The following UGT3A1 variants were observed in gnomAD, a reference collection of about 807,000 sequenced individuals.
UGT3A1 encodes UDP-glycosyltransferase 3A1.
UGT3A1 carries 40 observed loss-of-function variants against 37.6 expected under a neutral mutation model. The ratio of observed to expected loss-of-function variants is 1.06; its 90% confidence interval spans 0.83 to 1.38. The LOEUF (loss-of-function observed/expected upper bound fraction) is 1.38, where lower values mean the gene tolerates loss of function less well. Among genes scored for constraint, UGT3A1 ranks in the 40% most tolerant of loss-of-function variants. The probability of loss-of-function intolerance (pLI) is 0.00; values close to 1 mark genes in which losing one functional copy is unlikely to be tolerated. For synonymous variants in UGT3A1, 256 were observed against 232.3 expected (o/e 1.10, Z -0.93); for missense variants, 642 against 634.2 (o/e 1.01, Z -0.13).
rs1343343291 is a variant in UGT3A1 at position 35,955,755 on chromosome 5, A to C, written c.1185T>G (p.His395Gln). 2 of 1,614,188 alleles carry C rather than the reference A, an allele frequency of 1.2e-6. No individual in the cohort carries two copies. The highest frequency in any genetic ancestry group is 2.2e-5 in the East Asian group (1 of 44,874). Residue 395 changes from histidine (H) to glutamine (Q), a missense_variant, in exon 6 of 7, where the codon CAT becomes CAG. Coordinates refer to ENST00000274278, the MANE Select transcript of UGT3A1 (RefSeq NM_152404.4). ...TGGCTACTACTCGGACCATGTTTCCATGCTGGTCTCCATTGACTGGTAATC... is the reference window on the plus strand; with the variant it reads ...TGGCTACTACTCGGACCATGTTTCCCTGCTGGTCTCCATTGACTGGTAATC... ...MVGLPVNGDQ[H>Q]GNMVRVVAKN...
At chr5:35,989,281 C>G (rs764487862) in intron 1 of UGT3A1, among the ~76,000 whole-genome samples, 2 of 152,184 alleles carry the variant, frequency 1.3e-5, no homozygotes, top group East Asian at 3.9e-4. Flanking sequence ...TCCTACCATG[C>G]TAAGGAAAGA....
At chr5:35,966,042 T>A (rs1296259639) in intron 3 of UGT3A1, 125 bp from the exon 4 acceptor site, 1 of 733,770 alleles carries the variant, frequency 1.4e-6, no homozygotes, top group African/African-American at 1.8e-5. Context: ...ATCAACCCAT[T>A]CTACAATGTT....
rs753211477 is a variant in UGT3A1 at position 35,991,205 on chromosome 5, G to A, written c.36C>T (p.Phe12=). 1 of 1,614,234 alleles carries A rather than the reference G, an allele frequency of 6.2e-7. No individual in the cohort carries two copies. Among genetic ancestry groups the A allele is most frequent in the Non-Finnish European group, 8.5e-7 (1 of 1,180,020 alleles). ...VGQRVLLLVA[F]LLSGVLLSEA... ...CTGAGAGCAGGACCCCAGAAAGAAGGAAGGCCACTAGAAGCAGCACCCGCT... is the reference window on the plus strand; with the variant it reads ...CTGAGAGCAGGACCCCAGAAAGAAGAAAGGCCACTAGAAGCAGCACCCGCT... The change falls in exon 1 of 7, where the codon TTC becomes TTT. Residue 12 remains phenylalanine, a synonymous_variant. Transcript: ENST00000274278.
At chr5:35,958,797 CAGA>C (rs1304026082) in intron 4 of UGT3A1, among the ~76,000 whole-genome samples, 1 of 152,180 alleles carries the variant, frequency 6.6e-6, no homozygotes, top group East Asian at 1.9e-4. Context: ...TTCCCTCAGC[CAGA>C]AGGAGCAGAA....
chr5:35,971,962 CG>C (rs1561463635), intron 2 of UGT3A1, among the ~76,000 whole-genome samples: 1 of 152,036 alleles, frequency 6.6e-6, no homozygotes. Context: ...TTTCCTGCTG[CG>C]GGAGGAAAGC....
In UGT3A1 at chr5:35,967,209, A is replaced by G. The variant is rs139675868; in HGVS notation, c.311+810T>C. 1.9e-3 allele frequency among the ~76,000 whole-genome samples: 289 copies of G among 152,354 alleles called. 6 individuals are homozygous for G. Among genetic ancestry groups the G allele is most frequent in the Admixed American group, 0.017 (254 of 15,310 alleles). Reference sequence around the variant, plus strand: ...ACAAGATGCCATAGACTAAGTATCAAATGAGTGCTATATGCCAGACCTATG... The same window carrying G: ...ACAAGATGCCATAGACTAAGTATCAGATGAGTGCTATATGCCAGACCTATG... On this transcript the variant is annotated intron_variant, in intron 3 of 6. Transcript: ENST00000274278.
At position 35,988,444 on chromosome 5, in the gene UGT3A1, AGATAC is replaced by A; in HGVS notation, c.196+1_196+5del. 4 of 1,589,048 alleles carry A rather than the reference AGATAC, an allele frequency of 2.5e-6. No homozygotes were observed. Among genetic ancestry groups the A allele is most frequent in the Non-Finnish European group, 3.4e-6 (4 of 1,170,742 alleles). On this transcript the variant is annotated splice_donor_variant and splice_donor_5th_base_variant and intron_variant, in intron 2 of 6. Coordinates refer to ENST00000274278, the MANE Select transcript of UGT3A1 (RefSeq NM_152404.4). LOFTEE classifies it high-confidence loss of function. ...GAATATAAAAATTAGTTTTTAAAAA[AGATAC>A]CTGGGATCAAAAACTTTCCACTCTG...
At chr5:35,989,382 A>C (rs1468192298) in intron 1 of UGT3A1, among the ~76,000 whole-genome samples, 1 of 152,222 alleles carries the variant, frequency 6.6e-6, no homozygotes, top group Non-Finnish European at 1.5e-5. Flanking sequence ...CTGGAAGCTA[A>C]GGTTCTCAGC....
intron 5 of UGT3A1, 140 bp from the exon 6 acceptor site, chr5:35,956,004 A>G: frequency 2.5e-6 from 2 of 816,268 alleles, no homozygotes; most frequent in Non-Finnish European, 3.8e-6. Context: ...CTTGGGACAC[A>G]CAAGTGTGAA....
chr5:35,972,755 A>T (rs1349020599), intron 2 of UGT3A1, among the ~76,000 whole-genome samples: 2 of 152,146 alleles, frequency 1.3e-5, no homozygotes, highest in Non-Finnish European at 2.9e-5. Flanking sequence ...TATCAAACTA[A>T]TGAGTATAAT....
intron 2 of UGT3A1, among the ~76,000 whole-genome samples, chr5:35,971,000 TATGTTCC>T (rs1740012518): frequency 2.0e-5 from 3 of 151,014 alleles, no homozygotes; most frequent in Admixed American, 2.0e-4. Flanking sequence ...ATTTGACAAA[TATGTTCC>T]ATTCAAGGCC....
chr5:35,968,986 G>A (rs920550338), intron 2 of UGT3A1, among the ~76,000 whole-genome samples: 1 of 152,142 alleles, frequency 6.6e-6, no homozygotes, highest in Non-Finnish European at 1.5e-5. Context: ...TGTCTCAGAT[G>A]GAATTGTGTT....
intron 6 of UGT3A1, 33 bp from the exon 7 acceptor site, chr5:35,954,511 A>G (rs757636198): frequency 1.2e-6 from 2 of 1,605,316 alleles, no homozygotes; most frequent in South Asian, 2.2e-5. Context: ...TGTGTTACTG[A>G]CGTAGCCTCA....
chr5:35,996,316 G>A (rs1349565109), upstream of UGT3A1, among the ~76,000 whole-genome samples: 1 of 152,146 alleles, frequency 6.6e-6, no homozygotes, highest in Non-Finnish European at 1.5e-5. Context: ...CAAATTGGGA[G>A]AGATTCATAT....
upstream of UGT3A1, among the ~76,000 whole-genome samples, chr5:35,993,449 C>T (rs377525914): frequency 1.4e-5 from 2 of 147,502 alleles, no homozygotes; most frequent in African/African-American, 2.5e-5. Context: ...GGTGACAGAG[C>T]GAGACTCCGT....
Position 35,983,743 on chromosome 5 carries a change from C to T in UGT3A1, c.196+4707G>A, listed in dbSNP as rs553981951. Among the ~76,000 whole-genome samples, 10 of 152,288 alleles carry T rather than the reference C, an allele frequency of 6.6e-5. 1 individual carries two copies. The highest frequency in any genetic ancestry group is 1.5e-4 in the Non-Finnish European group (10 of 68,014). On this transcript the variant is annotated intron_variant, in intron 2 of 6. Transcript: ENST00000274278. ...TCCCAGGGATGCAAGAGTAGTTCAA[C>T]ATATGCAAATCAACAAACATGATAC...
intron 1 of UGT3A1, among the ~76,000 whole-genome samples, chr5:35,998,895 G>T (rs1741156271): frequency 6.6e-6 from 1 of 152,108 alleles, no homozygotes; most frequent in Non-Finnish European, 1.5e-5. Flanking sequence ...ACTTTGGGAT[G>T]CTATGGAAAG....
At chr5:35,993,699 A>G (rs1741022587), upstream of UGT3A1, among the ~76,000 whole-genome samples, 2 of 152,042 alleles carry the variant, frequency 1.3e-5, no homozygotes, top group South Asian at 2.1e-4. Context: ...ATTTTTCTCT[A>G]TTGACGTCTA....
intron 2 of UGT3A1, among the ~76,000 whole-genome samples, chr5:35,987,979 G>C (rs16902678): frequency 6.6e-6 from 1 of 152,130 alleles, no homozygotes; most frequent in South Asian, 2.1e-4. Context: ...ATATGAGGTC[G>C]TGTTAATCAT....
Sources: gnomAD v4.1 joint callset for allele counts (sites outside exome capture counted in the v4.1 genomes callset) on GRCh38, gnomAD v4.1.1 for gene constraint, MANE v1.5 for transcripts, NCBI Gene and HGNC (gene_info 2026-07-23, HGNC 2026-07-21) for gene names.